Variants in CCSER2 observed in about 807,000 individuals in gnomAD.
The protein encoded by CCSER2 is coiled-coil serine rich protein 2.
In CCSER2, 46 loss-of-function variants were observed where a neutral mutation model predicts 92.3. That is an observed-to-expected ratio of 0.50 (90% confidence interval 0.39 to 0.64). The LOEUF is 0.64. CCSER2 is among the 30% of genes least tolerant of loss of function. The pLI is 0.00. For synonymous variants in CCSER2, 433 were observed against 431.4 expected, an observed-to-expected ratio of 1.00 and a Z score of -0.04; for missense variants, 1,244 against 1,238.9, an observed-to-expected ratio of 1.00 and a Z score of -0.06.
chr10:84,364,324 A>G (rs1012642254), intron 1 of CCSER2, among the ~76,000 whole-genome samples: 2 of 152,242 alleles, frequency 1.3e-5, no homozygotes, highest in Non-Finnish European at 2.9e-5. Context: ...TTTCAGCTCC[A>G]CTGTAATCTC....
chr10:84,500,028 C>G (rs1235857259), intron 9 of CCSER2: 47 of 1,608,138 alleles, frequency 2.9e-5, no homozygotes, highest in Non-Finnish European at 3.9e-5. Flanking sequence ...TCTGCATGAC[C>G]TGTTCCTCCC....
chr10:84,478,847 C>T (rs1847302132), intron 9 of CCSER2, among the ~76,000 whole-genome samples: 1 of 152,118 alleles, frequency 6.6e-6, no homozygotes, highest in Non-Finnish European at 1.5e-5. Flanking sequence ...GTGTTTGAAT[C>T]ATAGAAAGCA....
chr10:84,345,949 C>T (rs1458997944), intron 1 of CCSER2, among the ~76,000 whole-genome samples: 1 of 152,142 alleles, frequency 6.6e-6, no homozygotes, highest in Non-Finnish European at 1.5e-5. Flanking sequence ...TTTCTACATA[C>T]TGCTGTATCC....
chr10:84,339,006 A>C (rs1176945874), intron 1 of CCSER2, among the ~76,000 whole-genome samples: 1 of 152,096 alleles, frequency 6.6e-6, no homozygotes, highest in African/African-American at 2.4e-5. Context: ...TCCATGCCCC[A>C]AGTTTTGGAT....
intron 1 of CCSER2, among the ~76,000 whole-genome samples, chr10:84,332,976 T>C (rs1843661414): frequency 6.6e-6 from 1 of 152,226 alleles, no homozygotes; most frequent in Non-Finnish European, 1.5e-5. Context: ...TTCATTTATG[T>C]GTATTTTATA....
chr10:84,408,428 AT>A (rs902511683), intron 3 of CCSER2, among the ~76,000 whole-genome samples: 30 of 151,476 alleles, frequency 2.0e-4, no homozygotes, highest in Non-Finnish European at 3.8e-4. Flanking sequence ...CTCTCCCTCC[AT>A]TTTTTGCCTC....
chr10:84,463,040 C>G (rs979810830), intron 6 of CCSER2, among the ~76,000 whole-genome samples: 8 of 152,152 alleles, frequency 5.3e-5, no homozygotes, highest in African/African-American at 1.9e-4. Context: ...CAAGGTAGCA[C>G]GTCATCCAGT....
chr10:84,357,062 CAAAG>C (rs1218328740), intron 1 of CCSER2, among the ~76,000 whole-genome samples: 1 of 152,166 alleles, frequency 6.6e-6, no homozygotes, highest in Admixed American at 6.5e-5. Context: ...TCTGTGTTCT[CAAAG>C]AACTTGGCCT....
intron 9 of CCSER2, 68 bp from the exon 10 acceptor site, chr10:84,513,381 G>T (rs986288639): frequency 1.7e-6 from 2 of 1,174,720 alleles, no homozygotes; most frequent in Non-Finnish European, 2.4e-6. Context: ...CAGCCTAATT[G>T]GTATTTATAT....
At chr10:84,378,187 T>G (rs906289875) in intron 3 of CCSER2, among the ~76,000 whole-genome samples, 1 of 152,142 alleles carries the variant, frequency 6.6e-6, no homozygotes, top group Non-Finnish European at 1.5e-5. Context: ...AATTCTCTTT[T>G]ATTTTGTTTG....
chr10:84,424,529 A>G (rs1843328889), intron 4 of CCSER2, among the ~76,000 whole-genome samples: 2 of 152,250 alleles, frequency 1.3e-5, no homozygotes, highest in African/African-American at 4.8e-5. Context: ...AGAACTGAAC[A>G]TCTATACTTT....
chr10:84,340,416 T>G (rs1372498544), intron 1 of CCSER2, among the ~76,000 whole-genome samples: 2 of 152,214 alleles, frequency 1.3e-5, no homozygotes, highest in African/African-American at 4.8e-5. Context: ...TGACCCAGTT[T>G]TGATTGACCC....
rs777493764 is a variant in CCSER2 at position 84,371,998 on chromosome 10, A to G, written c.946A>G (p.Arg316Gly). Residue 316 changes from arginine (R) to glycine (G), a missense_variant, in exon 2 of 10, where the codon AGA becomes GGA. Coordinates refer to ENST00000372088, the MANE Select transcript of CCSER2 (RefSeq NM_001284240.2). ...AGGTGTAACTTCTACTTTAGGTTATAGAATGGTTCATCCCTCTCTACTGAA... is the reference window on the plus strand; with the variant it reads ...AGGTGTAACTTCTACTTTAGGTTATGGAATGGTTCATCCCTCTCTACTGAA... ...GPGVTSTLGYRMVHPSLLKSS... is the reference protein window; with the variant it reads ...GPGVTSTLGYGMVHPSLLKSS... 64 of 1,613,644 alleles carry G rather than the reference A, an allele frequency of 4.0e-5. No individual in the cohort carries two copies. Among genetic ancestry groups the G allele is most frequent in the Middle Eastern group, 1.6e-4 (1 of 6,084 alleles).
At chr10:84,453,881 C>T (rs758086884) in intron 6 of CCSER2, among the ~76,000 whole-genome samples, 2 of 152,098 alleles carry the variant, frequency 1.3e-5, no homozygotes, top group East Asian at 1.9e-4. Context: ...CCCTGCTTCT[C>T]GTGTTACAAT....
rs1394376484 is a variant in CCSER2, at chr10:84,514,088, A to C, written c.2965A>C (p.Lys989Gln). 2.6e-6 allele frequency: 4 copies of C among 1,536,196 alleles called. No individual in the cohort carries two copies. Among genetic ancestry groups the C allele is most frequent in the Non-Finnish European group, 3.5e-6 (4 of 1,146,928 alleles). The stretch of plus-strand genomic sequence containing the variant: ...GCTCCGCCCCCCCTCAGGCTCTTTC[A>C]AACAAAAACAAACAAACAGCCCCCA... ...SKLRPPSGSF[K>Q]QKQTNSPQLE... The change falls in exon 10 of 10, where the codon AAA becomes CAA. Residue 989 changes from lysine (K) to glutamine (Q), a missense_variant. Physicochemically the swap from Lys to Gln is moderately conservative, Grantham distance 53 (BLOSUM62 1). Coordinates refer to ENST00000372088, the MANE Select transcript of CCSER2 (RefSeq NM_001284240.2).
chr10:84,410,584 T>A (rs1842598700), intron 3 of CCSER2, among the ~76,000 whole-genome samples: 1 of 152,226 alleles, frequency 6.6e-6, no homozygotes, highest in Non-Finnish European at 1.5e-5. Context: ...TCTGTTCATG[T>A]CCTTTGCCCA....
chr10:84,364,746 GT>G (rs34211688), intron 1 of CCSER2, among the ~76,000 whole-genome samples: 33 of 139,426 alleles, frequency 2.4e-4, no homozygotes, highest in Middle Eastern at 3.6e-3. Flanking sequence ...ATTTTTTTTT[GT>G]TTTTTTTTTT....
At position 84,371,482 on chromosome 10, in the gene CCSER2, T is replaced by C. The variant is rs1846057871; in HGVS notation, c.430T>C (p.Ser144Pro). 4 of 1,613,978 alleles carry C rather than the reference T, an allele frequency of 2.5e-6. No homozygotes were observed. Among genetic ancestry groups the C allele is most frequent in the East Asian group, 2.2e-5 (1 of 44,880 alleles). Residue 144 changes from serine (S) to proline (P), a missense_variant, in exon 2 of 10, where the codon TCT (serine) becomes CCT (proline). Ser to Pro is a moderately conservative substitution (Grantham distance 74, BLOSUM62 -1). Coordinates refer to ENST00000372088, the MANE Select transcript of CCSER2 (RefSeq NM_001284240.2). ...STEELNQKSF[S>P]GPSNLGKFTK... ...AGAGGAGTTAAACCAAAAGTCTTTT[T>C]CTGGACCATCTAATTTGGGTAAATT...
At chr10:84,353,996 A>C (rs1414047651) in intron 1 of CCSER2, among the ~76,000 whole-genome samples, 1 of 151,938 alleles carries the variant, frequency 6.6e-6, no homozygotes, top group Admixed American at 6.6e-5. Context: ...TCTGGAGTTC[A>C]AGACCAGCCT....
Sources: allele counts gnomAD v4.1 joint callset (sites outside exome capture counted in the v4.1 genomes callset), GRCh38; gene constraint gnomAD v4.1.1; transcripts MANE v1.5; gene names NCBI Gene and HGNC (gene_info 2026-07-23, HGNC 2026-07-21).